The following NAALADL2 variants were observed in gnomAD, a reference collection of about 807,000 sequenced individuals.
NAALADL2 encodes the protein inactive N-acetylated-alpha-linked acidic dipeptidase-like protein 2.
NAALADL2 carries 76 observed loss-of-function variants against 87.2 expected under a neutral mutation model. That is an observed-to-expected ratio of 0.87 (90% confidence interval 0.72 to 1.05). The LOEUF (loss-of-function observed/expected upper bound fraction) is 1.05. Among genes scored for constraint, NAALADL2 ranks in the 50% least tolerant of loss-of-function variants. The pLI, the probability that NAALADL2 is intolerant of heterozygous loss-of-function variation, is 0.00. For synonymous variants in NAALADL2, 354 were observed against 331.0 expected, an observed-to-expected ratio of 1.07 and a Z score of -0.75; for missense variants, 1,089 against 945.8, an observed-to-expected ratio of 1.15 and a Z score of -1.99.
chr3:175,720,726 A>G (rs1742125928), intron 11 of NAALADL2, among the ~76,000 whole-genome samples: 1 of 152,134 alleles, frequency 6.6e-6, no homozygotes, highest in Non-Finnish European at 1.5e-5. Flanking sequence ...CTAGACTGCA[A>G]CTAAGGACTC....
intron 2 of NAALADL2, among the ~76,000 whole-genome samples, chr3:175,163,432 G>T (rs1733529782): frequency 6.6e-6 from 1 of 151,838 alleles, no homozygotes; most frequent in Non-Finnish European, 1.5e-5. Context: ...AAGAGGCTCC[G>T]TTTTGTATGG....
chr3:175,472,418 T>C (rs1452363712), intron 9 of NAALADL2, among the ~76,000 whole-genome samples: 1 of 152,194 alleles, frequency 6.6e-6, no homozygotes, highest in Admixed American at 6.5e-5. Context: ...TGCATTCTTA[T>C]TATGAATTTC....
Position 175,617,757 on chromosome 3 carries a change from A to T in NAALADL2, c.1801-9534A>T, listed in dbSNP as rs76187173. On this transcript the variant is annotated intron_variant, in intron 10 of 13. Transcript: ENST00000454872. ...TGTACTTTAGGATTAAGTGTCCTTC[A>T]ACTGAATCAGGAGCTAGAGAAGCTT... Among the ~76,000 whole-genome samples the T allele has an allele frequency of 2.9e-3, 448 of 152,238 alleles. 2 individuals carry two copies. The highest frequency in any genetic ancestry group is 0.01 in the African/African-American group (433 of 41,534).
At chr3:175,671,934 C>T (rs1019409898) in intron 11 of NAALADL2, among the ~76,000 whole-genome samples, 2 of 151,852 alleles carry the variant, frequency 1.3e-5, no homozygotes, top group African/African-American at 4.8e-5. Flanking sequence ...TGTTATAATG[C>T]AAAAATTTGT....
At chr3:175,478,221 T>C (rs886619537) in intron 9 of NAALADL2, among the ~76,000 whole-genome samples, 4 of 152,008 alleles carry the variant, frequency 2.6e-5, no homozygotes, top group African/African-American at 9.6e-5. Context: ...TAATTTATCT[T>C]CCTTTCTGCT....
At chr3:175,124,922 A>G (rs1726713665) in intron 2 of NAALADL2, among the ~76,000 whole-genome samples, 2 of 151,986 alleles carry the variant, frequency 1.3e-5, no homozygotes, top group African/African-American at 4.8e-5. Context: ...GAGTAGAGAC[A>G]TGAGCACTAA....
At chr3:174,881,157 G>T (rs896125648) in intron 1 of NAALADL2, among the ~76,000 whole-genome samples, 4 of 152,084 alleles carry the variant, frequency 2.6e-5, no homozygotes, top group Non-Finnish European at 5.9e-5. Context: ...TAGGCTCCAG[G>T]TGGACATATC....
At chr3:174,716,415 G>C (rs1013584382) in intron 2 of NAALADL2, among the ~76,000 whole-genome samples, 1 of 140,696 alleles carries the variant, frequency 7.1e-6, no homozygotes, top group African/African-American at 2.8e-5. Context: ...TGTATACAGG[G>C]TTCCAAATAT....
At chr3:175,454,928 G>T (rs79312052) in intron 6 of NAALADL2, among the ~76,000 whole-genome samples, 2,639 of 152,206 alleles carry the variant, frequency 0.017, 85 homozygotes, top group African/African-American at 0.061. Flanking sequence ...CAATTTAAGA[G>T]AATTTAATCA....
chr3:174,533,176 G>A (rs1913735), intron 1 of NAALADL2, among the ~76,000 whole-genome samples: 1 of 151,370 alleles, frequency 6.6e-6, no homozygotes, highest in Non-Finnish European at 1.5e-5. Context: ...CAATGGGGAA[G>A]GGGTACAGGG....
At chr3:175,698,502 T>G (rs180915508) in intron 11 of NAALADL2, among the ~76,000 whole-genome samples, 3,209 of 141,078 alleles carry the variant, frequency 0.023, 419 homozygotes, top group Non-Finnish European at 0.037. Flanking sequence ...TATATATATA[T>G]AAAATCTCCA....
intron 2 of NAALADL2, among the ~76,000 whole-genome samples, chr3:175,146,292 A>G (rs528510728): frequency 6.6e-6 from 1 of 152,238 alleles, no homozygotes; most frequent in Admixed American, 6.5e-5. Flanking sequence ...CCCAGAAAAA[A>G]GAGAAGGACT....
chr3:175,105,518 C>T (rs1722949673), intron 2 of NAALADL2, among the ~76,000 whole-genome samples: 1 of 148,302 alleles, frequency 6.7e-6, no homozygotes, highest in African/African-American at 2.5e-5. Flanking sequence ...TATATAAATT[C>T]ATATTTTATA....
chr3:174,595,078 T>A (rs149361730), intron 2 of NAALADL2, among the ~76,000 whole-genome samples: 5 of 152,308 alleles, frequency 3.3e-5, no homozygotes, highest in Non-Finnish European at 5.9e-5. Flanking sequence ...TTTTTGCTTA[T>A]TTCTGCGGCA....
At chr3:175,657,404 A>G (rs1415779149) in intron 11 of NAALADL2, among the ~76,000 whole-genome samples, 1 of 152,140 alleles carries the variant, frequency 6.6e-6, no homozygotes, top group Non-Finnish European at 1.5e-5. Flanking sequence ...TTTCGTAAAA[A>G]TCATTTTTTA....
intron 2 of NAALADL2, among the ~76,000 whole-genome samples, chr3:175,153,364 C>T (rs548642933): frequency 2.5e-4 from 38 of 152,224 alleles, no homozygotes; most frequent in Admixed American, 6.5e-4. Context: ...TGAGGCCTAC[C>T]TTACCCACAA....
intron 1 of NAALADL2, among the ~76,000 whole-genome samples, chr3:175,063,397 T>A (rs1264987082): frequency 6.6e-6 from 1 of 152,042 alleles, no homozygotes; most frequent in Admixed American, 6.5e-5. Context: ...AAACATAGAC[T>A]GGTCCAGGTG....
At chr3:175,639,200 T>A (rs1728942488) in intron 11 of NAALADL2, among the ~76,000 whole-genome samples, 1 of 152,248 alleles carries the variant, frequency 6.6e-6, no homozygotes, top group East Asian at 1.9e-4. Flanking sequence ...AATTAAGCCC[T>A]TCAGGGAGCT....
chr3:175,121,874 T>G (rs923116002), intron 2 of NAALADL2, among the ~76,000 whole-genome samples: 3 of 151,828 alleles, frequency 2.0e-5, no homozygotes, highest in African/African-American at 7.3e-5. Context: ...TTAGGGGAGA[T>G]TTTATATAAA....
Sources: gnomAD v4.1 joint callset for allele counts (sites outside exome capture counted in the v4.1 genomes callset) on GRCh38, gnomAD v4.1.1 for gene constraint, MANE v1.5 for transcripts, NCBI Gene and HGNC (gene_info 2026-07-23, HGNC 2026-07-21) for gene names.